Variants in C2CD3 observed in about 807,000 individuals in gnomAD.
C2CD3 encodes C2 domain containing 3 centriole elongation regulator.
In C2CD3, 148 loss-of-function variants were observed where a neutral mutation model predicts 234.0. That is an observed-to-expected ratio of 0.63 (90% CI 0.55 to 0.72). The LOEUF (loss-of-function observed/expected upper bound fraction) is 0.72, where lower values mean the gene tolerates loss of function less well. C2CD3 is among the 30% of genes least tolerant of loss of function. The pLI is 0.00. For synonymous variants in C2CD3, 1,000 were observed against 1,035.4 expected (o/e 0.97, Z 0.66); for missense variants, 2,577 against 2,811.5 (o/e 0.92, Z 1.89).
chr11:74,034,904 A>G (rs1952667517), intron 30 of C2CD3, among the ~76,000 whole-genome samples: 1 of 152,252 alleles, frequency 6.6e-6, no homozygotes, highest in Non-Finnish European at 1.5e-5. Context: ...CACCCACTTC[A>G]TAAGGTTACA....
chr11:74,101,892 TG>T (rs1249846846), intron 14 of C2CD3, among the ~76,000 whole-genome samples: 1 of 152,020 alleles, frequency 6.6e-6, no homozygotes, highest in Non-Finnish European at 1.5e-5. Flanking sequence ...CATTCCATCT[TG>T]AAGGATATAG....
rs189677381 is a variant in C2CD3, at chr11:74,046,331, A to C, written c.5495+1874T>G. On this transcript the variant is annotated intron_variant, in intron 28 of 32. Transcript: ENST00000334126. The stretch of plus-strand genomic sequence containing the variant: ...TTTTCTAGGATTTTATATAAATGGA[A>C]TCATATACAAGGTACTTTTTATTAT... Among the ~76,000 whole-genome samples the C allele has an allele frequency of 3.6e-3, 542 of 152,266 alleles. 9 individuals are homozygous for C. Among genetic ancestry groups the C allele is most frequent in the Admixed American group, 0.033 (502 of 15,290 alleles).
Position 74,098,061 on chromosome 11 carries a change from C to CT in C2CD3, c.2926dup (p.Ser976LysfsTer3). The CT allele has an allele frequency of 6.2e-7, 1 of 1,613,978 alleles. No homozygotes were observed. The highest frequency in any genetic ancestry group is 8.5e-7 in the Non-Finnish European group (1 of 1,179,868). ...GTCCAGGAAATGGGCTGGCCTAGGGCTGAAGGGAGGGAGTGTTCCTTCTTC... is the reference window on the plus strand; with the variant it reads ...GTCCAGGAAATGGGCTGGCCTAGGGCTTGAAGGGAGGGAGTGTTCCTTCTTC... On this transcript the variant is annotated frameshift_variant, in exon 16 of 33. Coordinates refer to ENST00000334126, the MANE Select transcript of C2CD3 (RefSeq NM_001286577.2). LOFTEE classifies it high-confidence loss of function.
chr11:74,082,266 C>T (rs1955413237), intron 22 of C2CD3, among the ~76,000 whole-genome samples: 1 of 152,054 alleles, frequency 6.6e-6, no homozygotes, highest in African/African-American at 2.4e-5. Flanking sequence ...CAGGCGCCTG[C>T]TACCACGCCC....
At chr11:74,021,892 G>A (rs900525554) in intron 32 of C2CD3, among the ~76,000 whole-genome samples, 1 of 152,188 alleles carries the variant, frequency 6.6e-6, no homozygotes, top group African/African-American at 2.4e-5. Flanking sequence ...TTGGGAAGCT[G>A]AGGCGGGCAG....
intron 9 of C2CD3, among the ~76,000 whole-genome samples, chr11:74,117,048 G>GTATATATATATGAATATATATATGAA (rs1956999805): frequency 6.1e-5 from 3 of 49,018 alleles, no homozygotes; most frequent in African/African-American, 2.3e-4. Context: ...ACGTGTGTGT[G>GTATATATATATGAATATATATATGAA]TATATATATA....
chr11:74,039,717 T>C (rs971952824), intron 29 of C2CD3, among the ~76,000 whole-genome samples: 5 of 152,184 alleles, frequency 3.3e-5, no homozygotes, highest in Admixed American at 1.3e-4. Context: ...TACTGGTATG[T>C]AGTTGGTAGA....
intron 20 of C2CD3, among the ~76,000 whole-genome samples, 170 bp downstream of exon 20, chr11:74,090,643 A>G (rs1233624474): frequency 2.6e-5 from 4 of 152,202 alleles, no homozygotes; most frequent in African/African-American, 9.7e-5. Flanking sequence ...TAAAATAGCA[A>G]CGTTTGCAAG....
chr11:74,085,906 A>C lies in C2CD3; in HGVS notation c.3642-20T>G, dbSNP rs780605408. On this transcript the variant is annotated intron_variant, in intron 20 of 32. Coordinates refer to ENST00000334126, the MANE Select transcript of C2CD3 (RefSeq NM_001286577.2). ...AAAGCCCTGTAGAGGAGAAGGGTGG[A>C]AATGAGAAGATACCATGGTAACATT... 1 of 1,591,494 alleles carries C rather than the reference A, an allele frequency of 6.3e-7. No homozygotes were observed. Among genetic ancestry groups the C allele is most frequent in the African/African-American group, 1.3e-5 (1 of 74,136 alleles).
At chr11:74,061,242 C>T (rs1954225809) in intron 24 of C2CD3, among the ~76,000 whole-genome samples, 1 of 152,176 alleles carries the variant, frequency 6.6e-6, no homozygotes, top group Non-Finnish European at 1.5e-5. Flanking sequence ...CCTAGTGAGG[C>T]AGGCCAACAT....
chr11:74,079,260 C>T (rs1033700618), intron 22 of C2CD3, among the ~76,000 whole-genome samples: 1 of 152,154 alleles, frequency 6.6e-6, no homozygotes, highest in African/African-American at 2.4e-5. Flanking sequence ...CTCTATTGCC[C>T]GCCTGGGCAG....
At position 74,168,216 on chromosome 11, in the gene C2CD3, A is replaced by G. The variant is rs531534595; in HGVS notation, c.325+128T>C. ...TTACAAAGAAAAATGTCTACTATAA[A>G]AACTCTTTGACTCTTCAATAATTAA... is the stretch of plus-strand genomic sequence containing the variant. On this transcript the variant is annotated intron_variant, in intron 2 of 32. Coordinates refer to ENST00000334126, the MANE Select transcript of C2CD3 (RefSeq NM_001286577.2). 8.0e-6 allele frequency: 6 copies of G among 748,274 alleles called. No individual in the cohort carries two copies. The African/African-American group carries it at 1.1e-4, about 13-fold the overall frequency. 46.4% of individuals were successfully genotyped at this position (748,274 alleles called of 1,614,324 possible).
intron 3 of C2CD3, among the ~76,000 whole-genome samples, chr11:74,160,370 A>G (rs1196030138): frequency 1.3e-5 from 2 of 152,198 alleles, no homozygotes; most frequent in African/African-American, 4.8e-5. Flanking sequence ...ATGGATTTAA[A>G]AAATGTATAT....
chr11:74,108,888 G>GATA lies in C2CD3; in HGVS notation c.1962+143_1962+145dup, dbSNP rs574277591. ...GATTAGTAGTAGTAATAATAATAAT[G>GATA]ATAATAATAATAATAATAATAATAA... On this transcript the variant is annotated intron_variant, in intron 12 of 32. Transcript: ENST00000334126. The GATA allele has an allele frequency of 3.0e-3, 1,042 of 351,870 alleles. 3 individuals are homozygous for GATA. The highest frequency in any genetic ancestry group is 0.02 in the South Asian group (251 of 12,676). The allele number at this position is 351,870 out of a possible 1,614,324, so 21.8% of individuals were successfully genotyped here.
At chr11:74,170,646 T>C in intron 1 of C2CD3, 92 bp downstream of exon 1, 2 of 1,446,732 alleles carry the variant, frequency 1.4e-6, no homozygotes. Flanking sequence ...GTCCCTTTTC[T>C]TGTTTATCCA....
chr11:74,077,700 C>A (rs1437330273), intron 23 of C2CD3, among the ~76,000 whole-genome samples: 1 of 144,790 alleles, frequency 6.9e-6, no homozygotes, highest in Non-Finnish European at 1.5e-5. Flanking sequence ...ATGGGTGCAG[C>A]AAACCACCAT....
rs1349159953 is a variant in C2CD3 at position 74,129,401 on chromosome 11, C to T, written c.1217+3443G>A. 3.5e-4 allele frequency: 38 copies of T among 109,292 alleles called. 1 individual carries two copies. The East Asian group carries it at 3.5e-3, about 10-fold the overall frequency. The allele number at this position is 109,292 out of a possible 1,614,324, so 6.8% of individuals were successfully genotyped here. On this transcript the variant is annotated intron_variant, in intron 7 of 32. Coordinates refer to ENST00000334126, the MANE Select transcript of C2CD3 (RefSeq NM_001286577.2). The stretch of plus-strand genomic sequence containing the variant: ...ACGGTCCTCACCTCCCAGACGGGGT[C>T]GCGGCCGGGCAGAGGCGCTCCTCAC...
intron 22 of C2CD3, among the ~76,000 whole-genome samples, chr11:74,079,835 C>G (rs1955255977): frequency 6.6e-6 from 1 of 151,896 alleles, no homozygotes; most frequent in South Asian, 2.1e-4. Context: ...TTTAGAATTT[C>G]TCAGGTTTTA....
At chr11:74,154,016 G>GA (rs372731427) in intron 3 of C2CD3, among the ~76,000 whole-genome samples, 11 of 147,548 alleles carry the variant, frequency 7.5e-5, no homozygotes, top group Admixed American at 4.0e-4. Context: ...TACAATTATA[G>GA]AAAAAAAAAA....
Sources: gnomAD v4.1 joint callset for allele counts (sites outside exome capture counted in the v4.1 genomes callset) on GRCh38, gnomAD v4.1.1 for gene constraint, MANE v1.5 for transcripts, NCBI Gene and HGNC (gene_info 2026-07-23, HGNC 2026-07-21) for gene names.